OR56A3: variants seen among roughly 807,000 people sequenced by gnomAD.
The protein encoded by OR56A3 is olfactory receptor 56A3.
A neutral mutation model predicts 17.5 loss-of-function variants in OR56A3; 23 were observed. The observed-to-expected ratio is 1.32, with a 90% CI of 0.95 to 1.87. The LOEUF is 1.87. Ranked by LOEUF, OR56A3 falls within the 40% of genes most tolerant of loss-of-function variation. OR56A3 has a pLI of 0.00. For missense variants in OR56A3, 366 were observed against 380.1 expected, an observed-to-expected ratio of 0.96 and a Z score of 0.31; for synonymous variants, 175 against 150.6, an observed-to-expected ratio of 1.16 and a Z score of -1.19.
chr11:6,017,900 G>T, the OR56A3 span, among the ~76,000 whole-genome samples: 5 of 152,136 alleles, frequency 3.3e-5, no homozygotes, highest in Non-Finnish European at 7.4e-5. Flanking sequence ...ACCAAAGGTG[G>T]ACGGGAGTAA....
chr11:5,976,786 G>C, the OR56A3 span, among the ~76,000 whole-genome samples: 1 of 151,772 alleles, frequency 6.6e-6, no homozygotes, highest in Non-Finnish European at 1.5e-5. Context: ...ATTTCATGTC[G>C]TAGGGGTTTG....
At chr11:5,995,680 G>C in the OR56A3 span, among the ~76,000 whole-genome samples, 1 of 152,170 alleles carries the variant, frequency 6.6e-6, no homozygotes, top group African/African-American at 2.4e-5. Context: ...ATGTGGAATA[G>C]TTAAATCTAG....
the OR56A3 span, among the ~76,000 whole-genome samples, chr11:6,005,854 T>C: frequency 0.19 from 28,289 of 152,092 alleles, 3,067 homozygotes; most frequent in East Asian, 0.41. Flanking sequence ...CACTTTCTAA[T>C]ACCATCATCT....
the OR56A3 span, among the ~76,000 whole-genome samples, chr11:5,969,671 C>A: frequency 6.6e-6 from 1 of 152,178 alleles, no homozygotes; most frequent in African/African-American, 2.4e-5. Flanking sequence ...TAATTATTTT[C>A]TTCATCTATC....
chr11:5,977,236 G>A, the OR56A3 span, among the ~76,000 whole-genome samples: 25 of 152,124 alleles, frequency 1.6e-4, no homozygotes, highest in African/African-American at 5.8e-4. Flanking sequence ...ATCCAATAAT[G>A]GGATTTCTGA....
chr11:5,976,784 TC>T, the OR56A3 span, among the ~76,000 whole-genome samples: 2 of 152,144 alleles, frequency 1.3e-5, no homozygotes, highest in Non-Finnish European at 2.9e-5. Context: ...AAATTTCATG[TC>T]GTAGGGGTTT....
chr11:5,952,511 G>A (rs1417933766), downstream of OR56A3, among the ~76,000 whole-genome samples: 1 of 151,074 alleles, frequency 6.6e-6, no homozygotes, highest in East Asian at 1.9e-4. Context: ...CATTATTATT[G>A]TTTGTTGTGT....
the OR56A3 span, chr11:5,968,280 A>G: frequency 6.2e-7 from 1 of 1,613,012 alleles, no homozygotes; most frequent in Non-Finnish European, 8.5e-7. Flanking sequence ...TACGATGTCC[A>G]GCAGGGAGAG....
At chr11:6,020,287 T>C in the OR56A3 span, 3 of 152,104 alleles carry the variant, frequency 2.0e-5, no homozygotes, top group Non-Finnish European at 4.4e-5. Context: ...CTTTGGCTAT[T>C]CAGGCTCTTT....
At chr11:5,984,342 G>T in the OR56A3 span, among the ~76,000 whole-genome samples, 1 of 152,080 alleles carries the variant, frequency 6.6e-6, no homozygotes, top group Admixed American at 6.5e-5. Context: ...TTACAACAAA[G>T]ATTACCAAAA....
the OR56A3 span, among the ~76,000 whole-genome samples, chr11:6,011,550 C>T: frequency 6.6e-6 from 1 of 152,116 alleles, no homozygotes; most frequent in African/African-American, 2.4e-5. Flanking sequence ...CCTGAAAGTA[C>T]AATCATGTGG....
chr11:6,010,462 T>G, the OR56A3 span, among the ~76,000 whole-genome samples: 1 of 152,202 alleles, frequency 6.6e-6, no homozygotes, highest in African/African-American at 2.4e-5. Flanking sequence ...AGTGCTTTTA[T>G]AAAAGAGCTA....
chr11:5,997,582 A>G, the OR56A3 span, among the ~76,000 whole-genome samples: 1 of 152,214 alleles, frequency 6.6e-6, no homozygotes, highest in African/African-American at 2.4e-5. Context: ...AACACAGAAG[A>G]TAAAATCCAA....
At chr11:5,991,168 C>T in the OR56A3 span, among the ~76,000 whole-genome samples, 1 of 152,302 alleles carries the variant, frequency 6.6e-6, no homozygotes, top group African/African-American at 2.4e-5. Context: ...TGAGTACTAG[C>T]TCTGGCAAGA....
At chr11:5,976,818 C>G in the OR56A3 span, among the ~76,000 whole-genome samples, 1 of 151,988 alleles carries the variant, frequency 6.6e-6, no homozygotes, top group Non-Finnish European at 1.5e-5. Flanking sequence ...ATTTAGTCAT[C>G]CAGGTAATGA....
At chr11:6,002,635 C>A in the OR56A3 span, 2 of 1,614,202 alleles carry the variant, frequency 1.2e-6, no homozygotes, top group Admixed American at 1.7e-5. Context: ...TAGGCCATGA[C>A]CATGAACGTG....
At chr11:5,981,380 T>A in the OR56A3 span, among the ~76,000 whole-genome samples, 1 of 152,244 alleles carries the variant, frequency 6.6e-6, no homozygotes, top group Non-Finnish European at 1.5e-5. Flanking sequence ...TTTTTTCTTA[T>A]TTTTGTTTGA....
At position 5,950,836 on chromosome 11, in the gene OR56A3, C is replaced by T. The variant is rs1034599125; in HGVS notation, c.*2542C>T. On this transcript the variant is annotated 3_prime_UTR_variant, in exon 3 of 3. Transcript: ENST00000641160. Reference sequence around the variant, plus strand: ...CCAAGCATTCAATAGCCACGTGAGGCTAGTGACTATGGTATTAATCAGTAC... The same window carrying T: ...CCAAGCATTCAATAGCCACGTGAGGTTAGTGACTATGGTATTAATCAGTAC... 3.9e-5 allele frequency: 6 copies of T among 152,092 alleles called. No individual in the cohort carries two copies. Among genetic ancestry groups the T allele is most frequent in the African/African-American group, 9.7e-5 (4 of 41,430 alleles). The allele number at this position is 152,092 out of a possible 1,614,324, so 9.4% of individuals were successfully genotyped here.
At chr11:5,985,206 T>A in the OR56A3 span, among the ~76,000 whole-genome samples, 2 of 152,232 alleles carry the variant, frequency 1.3e-5, no homozygotes, top group Non-Finnish European at 2.9e-5. Flanking sequence ...TTGGGTTTTT[T>A]AATGAATATT....
Sources: gnomAD v4.1 joint callset for allele counts (sites outside exome capture counted in the v4.1 genomes callset) on GRCh38, gnomAD v4.1.1 for gene constraint, MANE v1.5 for transcripts, NCBI Gene and HGNC (gene_info 2026-07-23, HGNC 2026-07-21) for gene names.